UNC13A: variants seen among roughly 807,000 people sequenced by gnomAD.
The protein encoded by UNC13A is unc-13 homolog A.
A neutral mutation model predicts 219.7 loss-of-function variants in UNC13A; 61 were observed. The observed-to-expected ratio is 0.28, with a 90% CI of 0.23 to 0.34. The LOEUF is 0.34. Among genes scored for constraint, UNC13A ranks in the 10% least tolerant of loss-of-function variants. UNC13A has a pLI of 1.00. For missense variants in UNC13A, 1,476 were observed against 2,270.3 expected (o/e 0.65, Z 7.11); for synonymous variants, 920 against 884.6 (o/e 1.04, Z -0.71).
At position 17,627,498 on chromosome 19, in the gene UNC13A, G is replaced by A. The variant is rs2076795687; in HGVS notation, c.3920+11C>T. 1 of 1,552,838 alleles carries A rather than the reference G, an allele frequency of 6.4e-7. No individual in the cohort carries two copies. The stretch of plus-strand genomic sequence containing the variant: ...CCTCCCCACTGCCCCCAGCCCTGGA[G>A]ATGCTCCCACCTGGTAGCAAACACC... On this transcript the variant is annotated intron_variant, in intron 33 of 43. Coordinates refer to ENST00000519716, the MANE Select transcript of UNC13A (RefSeq NM_001080421.3). The surrounding 1 kb of genome is among the most constrained non-coding windows in gnomAD (Gnocchi z 4.7).
Position 17,649,467 on chromosome 19 carries a change from C to G in UNC13A, c.1518+42G>C. The G allele has an allele frequency of 6.2e-7, 1 of 1,613,808 alleles. No homozygotes were observed. The highest frequency in any genetic ancestry group is 1.1e-5 in the South Asian group (1 of 91,086). ...TCCACAGGTTGTGCACTGCTTATAGCAGGCCTGCTCTGCTCAGGGAGTAAA... is the reference window on the plus strand; with the variant it reads ...TCCACAGGTTGTGCACTGCTTATAGGAGGCCTGCTCTGCTCAGGGAGTAAA... On this transcript the variant is annotated intron_variant, in intron 13 of 43. Transcript: ENST00000519716. The surrounding 1 kb of genome is among the most constrained non-coding windows in gnomAD (Gnocchi z 4.4).
In UNC13A at chr19:17,624,974, G is replaced by A. The variant is rs58624770; in HGVS notation, c.4074-22C>T. ...CAGGCTGGGGACGAGGGGCAGGTCT[G>A]AGAGAGGGCCCAGCTCGCCCCCACC... On this transcript the variant is annotated intron_variant, in intron 34 of 43. Coordinates refer to ENST00000519716, the MANE Select transcript of UNC13A (RefSeq NM_001080421.3). 4.3e-3 allele frequency: 6,892 copies of A among 1,607,902 alleles called. 226 individuals are homozygous for A. The African/African-American group carries it at 0.078, about 18-fold the overall frequency.
intron 37 of UNC13A, among the ~76,000 whole-genome samples, chr19:17,621,222 CCT>C (rs2076726696): frequency 6.6e-6 from 1 of 152,134 alleles, no homozygotes; most frequent in Admixed American, 6.5e-5. Context: ...ACCCACACAC[CCT>C]TCTTGACCCC....
intron 41 of UNC13A, among the ~76,000 whole-genome samples, chr19:17,615,583 G>A (rs1166195955): frequency 6.6e-6 from 1 of 152,092 alleles, no homozygotes; most frequent in Non-Finnish European, 1.5e-5. Context: ...GGAGGCTGAG[G>A]CACAAGAATC....
intron 1 of UNC13A, among the ~76,000 whole-genome samples, chr19:17,676,742 G>A (rs989581977): frequency 1.3e-5 from 2 of 152,144 alleles, no homozygotes; most frequent in African/African-American, 2.4e-5. Flanking sequence ...GGCGAGGCAC[G>A]GTGGCTCACA....
intron 11 of UNC13A, among the ~76,000 whole-genome samples, chr19:17,654,421 A>T (rs1331916303): frequency 6.6e-6 from 1 of 152,160 alleles, no homozygotes; most frequent in African/African-American, 2.4e-5. Flanking sequence ...ATAGATTTCT[A>T]TTTTAAAACT....
At chr19:17,653,424 T>C (rs1454053460) in intron 11 of UNC13A, among the ~76,000 whole-genome samples, 2 of 151,848 alleles carry the variant, frequency 1.3e-5, no homozygotes, top group Non-Finnish European at 2.9e-5. Flanking sequence ...CTCAGCTCAC[T>C]GCAACCTCCA....
At chr19:17,666,772 C>T (rs1172674673) in intron 6 of UNC13A, 68 bp from the exon 7 acceptor site, 20 of 1,308,950 alleles carry the variant, frequency 1.5e-5, no homozygotes, top group Non-Finnish European at 1.8e-5. Context: ...CCAGGATAGT[C>T]CTCTGTTCTG....
intron 15 of UNC13A, 80 bp downstream of exon 15, chr19:17,648,831 GA>G (rs2079292609): frequency 6.6e-7 from 1 of 1,521,274 alleles, no homozygotes. Context: ...TCTTCCCGGG[GA>G]CCCACAGAGG....
chr19:17,606,092 G>A lies in UNC13A; in HGVS notation c.5074C>T (p.Arg1692Cys). The A allele has an allele frequency of 6.3e-7, 1 of 1,590,862 alleles. No individual in the cohort carries two copies. Residue 1692 changes from arginine to cysteine, a missense_variant, in exon 44 of 44, where the codon CGC becomes TGC. By Grantham distance (180) the Arg-to-Cys change is radical. Around this residue, in one of 14 missense-constraint regions of UNC13A, gnomAD observed 187 missense variants for 172.3 expected, o/e 1.09. Coordinates refer to ENST00000519716, the MANE Select transcript of UNC13A (RefSeq NM_001080421.3). ...GCGGCACCGCCCTCCTCGGCGGAGC[G>A]CGTGTCCGACTTGAGCTTCACGAAC... ...KEFVKLKSDT[R>C]SAEEGGAAPA...
At chr19:17,662,571 T>C (rs1450739687) in intron 8 of UNC13A, among the ~76,000 whole-genome samples, 1 of 152,106 alleles carries the variant, frequency 6.6e-6, no homozygotes, top group Non-Finnish European at 1.5e-5. Flanking sequence ...TTGTCTTCCA[T>C]GAAACTGGTC....
chr19:17,618,599 G>A (rs1233295879), intron 39 of UNC13A, 98 bp from the exon 40 acceptor site: 1 of 1,248,332 alleles, frequency 8.0e-7, no homozygotes, highest in Non-Finnish European at 1.1e-6. Context: ...GAGGAGCTGG[G>A]CTGAGGGTCT....
At chr19:17,661,480 G>T (rs906021308) in intron 8 of UNC13A, among the ~76,000 whole-genome samples, 2 of 151,708 alleles carry the variant, frequency 1.3e-5, no homozygotes, top group South Asian at 4.2e-4. Flanking sequence ...GATTGCTTGA[G>T]GTCAGGAGTT....
chr19:17,669,109 T>C (rs1323204045), intron 5 of UNC13A, among the ~76,000 whole-genome samples: 1 of 152,182 alleles, frequency 6.6e-6, no homozygotes, highest in Non-Finnish European at 1.5e-5. Flanking sequence ...CATGGGTTCT[T>C]AGAAGAATGA....
intron 8 of UNC13A, among the ~76,000 whole-genome samples, chr19:17,661,649 G>A (rs564676388): frequency 7.2e-5 from 11 of 151,876 alleles, no homozygotes; most frequent in Non-Finnish European, 1.0e-4. Flanking sequence ...AGCAGTGATC[G>A]CACCACTATA....
At chr19:17,632,369 T>C (rs1354254640) in intron 28 of UNC13A, among the ~76,000 whole-genome samples, 1 of 152,196 alleles carries the variant, frequency 6.6e-6, no homozygotes, top group Non-Finnish European at 1.5e-5. Context: ...AGAGATGGGA[T>C]CTGACTATCT....
At chr19:17,619,433 C>CTTTTTTTTT (rs1568504333) in intron 38 of UNC13A, among the ~76,000 whole-genome samples, 1 of 117,718 alleles carries the variant, frequency 8.5e-6, no homozygotes. Flanking sequence ...TCTGATTTTT[C>CTTTTTTTTT]TTTTCTTTTT....
At chr19:17,663,968 T>C (rs528342395) in intron 7 of UNC13A, among the ~76,000 whole-genome samples, 1 of 139,992 alleles carries the variant, frequency 7.1e-6, no homozygotes, top group African/African-American at 3.0e-5. Flanking sequence ...GCTAATGTTT[T>C]GGTTCTTGGT....
At chr19:17,642,990 G>C in intron 19 of UNC13A, 30 bp from the exon 20 acceptor site, 2 of 1,568,188 alleles carry the variant, frequency 1.3e-6, no homozygotes, top group Non-Finnish European at 1.7e-6. Context: ...GACAGTGTCA[G>C]AACTTCCCAC....
Sources: allele counts gnomAD v4.1 joint callset (sites outside exome capture counted in the v4.1 genomes callset), GRCh38; gene constraint gnomAD v4.1.1; regional missense constraint gnomAD v4.1.1; non-coding constraint Gnocchi (gnomAD v3.1); transcripts MANE v1.5; gene names NCBI Gene and HGNC (gene_info 2026-07-23, HGNC 2026-07-21).